Variants in IKZF3 observed in about 807,000 individuals in gnomAD.
The protein encoded by IKZF3 is zinc finger protein Aiolos.
A neutral mutation model predicts 49.0 loss-of-function variants in IKZF3; 10 were observed. That is an observed-to-expected ratio of 0.20 (90% CI 0.13 to 0.35). IKZF3 has a LOEUF of 0.35. IKZF3 is among the 10% of genes least tolerant of loss of function. The pLI is 1.00. For missense variants in IKZF3, 498 were observed against 664.8 expected, an observed-to-expected ratio of 0.75 and a Z score of 2.76; for synonymous variants, 209 against 228.2, an observed-to-expected ratio of 0.92 and a Z score of 0.76.
chr17:39,835,721 A>AT, intron 1 of IKZF3: 1 of 503,546 alleles, frequency 2.0e-6, no homozygotes, highest in Middle Eastern at 6.8e-4. Flanking sequence ...TCTCCTCTTC[A>AT]TACAGCTGCC....
At position 39,761,874 on chromosome 17, in the gene IKZF3, T is replaced by C. The variant is rs1022235661; in HGVS notation, c.*3916A>G. The C allele has an allele frequency of 4.6e-5, 7 of 152,252 alleles. No homozygotes were observed. The highest frequency in any genetic ancestry group is 8.8e-5 in the Non-Finnish European group (6 of 68,094). 9.4% of individuals were successfully genotyped at this position (152,252 alleles called of 1,614,324 possible). ...CATGTGCCATCACGCCCGGCTAATT[T>C]TGTATTTTTAGTAGAGATGGGGGTT... On this transcript the variant is annotated 3_prime_UTR_variant, in exon 8 of 8. Coordinates refer to ENST00000346872, the MANE Select transcript of IKZF3 (RefSeq NM_012481.5).
chr17:39,838,240 T>A (rs1197317596), intron 1 of IKZF3, among the ~76,000 whole-genome samples: 1 of 152,206 alleles, frequency 6.6e-6, no homozygotes, highest in Non-Finnish European at 1.5e-5. Flanking sequence ...TAAGTTCAAT[T>A]ATATGTGTGT....
intron 1 of IKZF3, chr17:39,835,134 T>C (rs944676636): frequency 2.1e-6 from 1 of 469,734 alleles, no homozygotes; most frequent in Non-Finnish European, 4.2e-6. Flanking sequence ...AAGGCCCCTG[T>C]AGGCTGAGCT....
chr17:39,790,585 T>A (rs138409530), intron 5 of IKZF3, among the ~76,000 whole-genome samples: 1 of 152,166 alleles, frequency 6.6e-6, no homozygotes, highest in African/African-American at 2.4e-5. Context: ...TTTTGCCAGA[T>A]AACATCAAGA....
intron 1 of IKZF3, among the ~76,000 whole-genome samples, chr17:39,850,021 G>A (rs1240310991): frequency 7.3e-6 from 1 of 137,694 alleles, no homozygotes; most frequent in Non-Finnish European, 1.6e-5. Context: ...CTGGGGGTGT[G>A]TGTGTGTGTG....
intron 3 of IKZF3, among the ~76,000 whole-genome samples, chr17:39,793,349 A>G (rs147348641): frequency 6.6e-6 from 1 of 152,212 alleles, no homozygotes; most frequent in Non-Finnish European, 1.5e-5. Context: ...CAAGGAGAAA[A>G]TATTGTTTGA....
intron 3 of IKZF3, among the ~76,000 whole-genome samples, chr17:39,827,008 C>CT (rs573804118): frequency 3.3e-5 from 5 of 152,120 alleles, no homozygotes; most frequent in East Asian, 3.9e-4. Flanking sequence ...TGTTTTTGTT[C>CT]TTTTTTTGAG....
chr17:39,766,865 T>C (rs2060307087), intron 7 of IKZF3, among the ~76,000 whole-genome samples: 1 of 152,182 alleles, frequency 6.6e-6, no homozygotes. Flanking sequence ...CTGGGACTTC[T>C]GCTATAGTTC....
chr17:39,806,844 ATC>A (rs373223276), intron 3 of IKZF3, among the ~76,000 whole-genome samples: 33 of 151,720 alleles, frequency 2.2e-4, no homozygotes, highest in African/African-American at 7.5e-4. Flanking sequence ...TGTGACTTCC[ATC>A]TCTCTCTCTC....
intron 3 of IKZF3, among the ~76,000 whole-genome samples, chr17:39,811,859 C>A (rs1270992239): frequency 1.3e-5 from 2 of 152,186 alleles, no homozygotes; most frequent in Non-Finnish European, 2.9e-5. Context: ...CTTGCCATGT[C>A]TTTGGGACAC....
In IKZF3 at chr17:39,765,722, G is replaced by T; in HGVS notation, c.*68C>A. 1 of 1,209,386 alleles carries T rather than the reference G, an allele frequency of 8.3e-7. No individual in the cohort carries two copies. The highest frequency in any genetic ancestry group is 1.2e-6 in the Non-Finnish European group (1 of 848,780). 74.9% of individuals were successfully genotyped at this position (1,209,386 alleles called of 1,614,324 possible). On this transcript the variant is annotated 3_prime_UTR_variant, in exon 8 of 8. Coordinates refer to ENST00000346872, the MANE Select transcript of IKZF3 (RefSeq NM_012481.5). ...ACTGAGTATGTTTTGAGAGCAATCT[G>T]TTAGGCGAGGTCATTGGTTTTTAGA... is the stretch of plus-strand genomic sequence containing the variant.
chr17:39,853,030 C>A (rs1342672847), intron 1 of IKZF3, among the ~76,000 whole-genome samples: 1 of 152,186 alleles, frequency 6.6e-6, no homozygotes, highest in Non-Finnish European at 1.5e-5. Flanking sequence ...ATTCCTATCA[C>A]TAGCCAGACC....
chr17:39,857,107 G>A (rs118017471), intron 1 of IKZF3, among the ~76,000 whole-genome samples: 3,398 of 152,182 alleles, frequency 0.022, 54 homozygotes, highest in Non-Finnish European at 0.032. Context: ...TAGCAGTCTA[G>A]GTCAAGGGAT....
At chr17:39,785,045 C>T (rs1395508682) in intron 6 of IKZF3, among the ~76,000 whole-genome samples, 1 of 152,146 alleles carries the variant, frequency 6.6e-6, no homozygotes, top group African/African-American at 2.4e-5. Flanking sequence ...CATCTCTTTA[C>T]AAGTGACGGA....
chr17:39,863,238 A>G (rs1295938950), intron 1 of IKZF3, among the ~76,000 whole-genome samples: 4 of 152,220 alleles, frequency 2.6e-5, no homozygotes, highest in Non-Finnish European at 5.9e-5. Context: ...ATATTTTAAC[A>G]ACTTTATATA....
At chr17:39,826,649 C>T (rs767468647) in intron 3 of IKZF3, among the ~76,000 whole-genome samples, 27 of 152,174 alleles carry the variant, frequency 1.8e-4, no homozygotes, top group Non-Finnish European at 2.9e-4. Flanking sequence ...TAAAGTAGGA[C>T]ATGTCAATGC....
At chr17:39,804,445 CAAAA>C (rs755310056) in intron 3 of IKZF3, among the ~76,000 whole-genome samples, 2 of 80,360 alleles carry the variant, frequency 2.5e-5, no homozygotes, top group Admixed American at 1.4e-4. Context: ...GACTCTGTCT[CAAAA>C]AAAAAAAAAA....
intron 3 of IKZF3, among the ~76,000 whole-genome samples, chr17:39,813,236 C>T (rs2061602863): frequency 6.6e-6 from 1 of 151,274 alleles, no homozygotes; most frequent in African/African-American, 2.4e-5. Flanking sequence ...GTCTGTGGCT[C>T]TTTGGCAGAT....
chr17:39,788,638 T>C (rs1036710448), intron 5 of IKZF3, among the ~76,000 whole-genome samples: 4 of 152,218 alleles, frequency 2.6e-5, no homozygotes, highest in South Asian at 2.1e-4. Flanking sequence ...CCATTTCGCA[T>C]ACTGTTTTGG....
Sources: allele counts gnomAD v4.1 joint callset (sites outside exome capture counted in the v4.1 genomes callset), GRCh38; gene constraint gnomAD v4.1.1; transcripts MANE v1.5; gene names NCBI Gene and HGNC (gene_info 2026-07-23, HGNC 2026-07-21).